Variants in TRIM62 observed in about 807,000 individuals in gnomAD.
TRIM62 encodes the protein tripartite motif containing 62.
In TRIM62, 39 loss-of-function variants were observed where a neutral mutation model predicts 44.2. The observed-to-expected ratio is 0.88, with a 90% CI of 0.68 to 1.15. TRIM62 has a LOEUF of 1.15. Among genes scored for constraint, TRIM62 ranks in the 50% most tolerant of loss-of-function variants. The pLI is 0.00. For synonymous variants in TRIM62, 278 were observed against 292.3 expected (o/e 0.95, Z 0.50); for missense variants, 544 against 665.5 (o/e 0.82, Z 2.01).
intron 1 of TRIM62, among the ~76,000 whole-genome samples, chr1:33,168,465 G>A (rs1645347858): frequency 2.6e-5 from 4 of 152,146 alleles, no homozygotes; most frequent in Admixed American, 2.0e-4. Context: ...AGCCATCAGT[G>A]TGAAGTAGTA....
Position 33,145,956 on chromosome 1 carries a change from G to A in TRIM62, c.*1221C>T, listed in dbSNP as rs1181807111. 6.4e-6 allele frequency: 3 copies of A among 470,318 alleles called. No individual in the cohort carries two copies. The highest frequency in any genetic ancestry group is 4.0e-5 in the African/African-American group (2 of 50,064). 29.1% of individuals were successfully genotyped at this position (470,318 alleles called of 1,614,324 possible). On this transcript the variant is annotated 3_prime_UTR_variant, in exon 5 of 5. Transcript: ENST00000291416. ...ATCTCTTGTAAAAATTTAGATTTGGGAACTGAGTGAAGTGGGAGAGGGGCA... is the reference window on the plus strand; with the variant it reads ...ATCTCTTGTAAAAATTTAGATTTGGAAACTGAGTGAAGTGGGAGAGGGGCA...
At chr1:33,171,173 T>C (rs1390918059) in intron 1 of TRIM62, among the ~76,000 whole-genome samples, 1 of 152,044 alleles carries the variant, frequency 6.6e-6, no homozygotes, top group East Asian at 1.9e-4. Context: ...AAACTAGAAA[T>C]TTTACTCCAG....
intron 4 of TRIM62, among the ~76,000 whole-genome samples, chr1:33,149,283 G>A (rs1645063502): frequency 6.6e-6 from 1 of 152,182 alleles, no homozygotes; most frequent in Admixed American, 6.5e-5. Context: ...CTCTCGAGTA[G>A]TTGGGATTAT....
chr1:33,158,107 C>T, intron 4 of TRIM62, 146 bp downstream of exon 4: 1 of 648,278 alleles, frequency 1.5e-6, no homozygotes, highest in South Asian at 1.8e-5. Context: ...TGCAGGTGCC[C>T]AGGACAGGTC....
In TRIM62 at chr1:33,181,273, G is replaced by A; in HGVS notation, c.160C>T (p.Arg54Trp). 2 of 1,546,434 alleles carry A rather than the reference G, an allele frequency of 1.3e-6. No homozygotes were observed. Among genetic ancestry groups the A allele is most frequent in the South Asian group, 1.2e-5 (1 of 84,880 alleles). The change falls in exon 1 of 5, where the codon CGG becomes TGG. Residue 54 changes from arginine (R) to tryptophan (W), a missense_variant. By Grantham distance (101) the Arg-to-Trp change is moderately radical (BLOSUM62 -3). Coordinates refer to ENST00000291416, the MANE Select transcript of TRIM62 (RefSeq NM_018207.3). This position sits in a 1 kb window ranked among gnomAD's most constrained non-coding sequence, Gnocchi z 6.5. ...AQGARDCPEC[R>W]RTFAEPALAP... is the part of the protein sequence containing the mutation. ...AGCGCGGGCTCGGCGAACGTGCGCC[G>A]GCACTCGGGGCAGTCGCGGGCGCCC... is the stretch of plus-strand genomic sequence containing the variant.
At chr1:33,176,282 G>T (rs1645418225) in intron 1 of TRIM62, 1 of 512,600 alleles carries the variant, frequency 2.0e-6, no homozygotes, top group Non-Finnish European at 3.6e-6. Context: ...CCATTTCTCA[G>T]ATTGGGTAAG....
At chr1:33,164,996 T>C (rs1645313780) in intron 2 of TRIM62, 1 of 151,432 alleles carries the variant, frequency 6.6e-6, no homozygotes, top group African/African-American at 2.4e-5. Flanking sequence ...CTCGTTATAT[T>C]GGCCAGGCTG....
At chr1:33,172,973 G>A (rs1209255424) in intron 1 of TRIM62, among the ~76,000 whole-genome samples, 2 of 152,160 alleles carry the variant, frequency 1.3e-5, no homozygotes, top group African/African-American at 4.8e-5. Flanking sequence ...CCAGCATGGC[G>A]CTGCACACAA....
In TRIM62 at chr1:33,181,547, G is replaced by C; in HGVS notation, c.-115C>G. On this transcript the variant is annotated 5_prime_UTR_variant, in exon 1 of 5. Coordinates refer to ENST00000291416, the MANE Select transcript of TRIM62 (RefSeq NM_018207.3). The surrounding 1 kb of genome is among the most constrained non-coding windows in gnomAD (Gnocchi z 6.5). Reference sequence around the variant, plus strand: ...CGCGGGGACGAGGCCCGCACAGGCAGGGGTAGGAGCTACCGGAGAAGGGAG... The same window carrying C: ...CGCGGGGACGAGGCCCGCACAGGCACGGGTAGGAGCTACCGGAGAAGGGAG... 7.0e-7 allele frequency: 1 copy of C among 1,426,974 alleles called. No homozygotes were observed. Among genetic ancestry groups the C allele is most frequent in the African/African-American group, 1.5e-5 (1 of 67,282 alleles). The allele number at this position is 1,426,974 out of a possible 1,614,324, so 88.4% of individuals were successfully genotyped here.
chr1:33,147,200 G>A lies in TRIM62; in HGVS notation c.1405C>T (p.Arg469Trp), dbSNP rs1371297522. ...HANGKNVQPL[R>W]INTVRI Reference sequence around the variant, plus strand: ...GACTAGATGCGGACGGTGTTGATCCGCAGCGGCTGAACGTTCTTGCCATTG... The same window carrying A: ...GACTAGATGCGGACGGTGTTGATCCACAGCGGCTGAACGTTCTTGCCATTG... The change falls in exon 5 of 5, where the codon CGG becomes TGG. Residue 469 changes from arginine to tryptophan, a missense_variant. By Grantham distance (101) the Arg-to-Trp change is moderately radical (BLOSUM62 -3). Coordinates refer to ENST00000291416, the MANE Select transcript of TRIM62 (RefSeq NM_018207.3). The surrounding 1 kb of genome is among the most constrained non-coding windows in gnomAD (Gnocchi z 8.1). 6.2e-7 allele frequency: 1 copy of A among 1,613,578 alleles called. No homozygotes were observed. Among genetic ancestry groups the A allele is most frequent in the Non-Finnish European group, 8.5e-7 (1 of 1,180,004 alleles).
chr1:33,181,515 G>A lies in TRIM62; in HGVS notation c.-83C>T. Reference sequence around the variant, plus strand: ...CGGCGCTGTCGGAGGCAGCACCGAGGGCTGGGCGCGGGGACGAGGCCCGCA... The same window carrying A: ...CGGCGCTGTCGGAGGCAGCACCGAGAGCTGGGCGCGGGGACGAGGCCCGCA... On this transcript the variant is annotated 5_prime_UTR_variant, in exon 1 of 5. Coordinates refer to ENST00000291416, the MANE Select transcript of TRIM62 (RefSeq NM_018207.3). This position sits in a 1 kb window ranked among gnomAD's most constrained non-coding sequence, Gnocchi z 6.5. 1 of 1,462,222 alleles carries A rather than the reference G, an allele frequency of 6.8e-7. No homozygotes were observed. The allele number at this position is 1,462,222 out of a possible 1,614,324, so 90.6% of individuals were successfully genotyped here.
chr1:33,149,080 C>A (rs1399230881), intron 4 of TRIM62, among the ~76,000 whole-genome samples: 3 of 152,182 alleles, frequency 2.0e-5, no homozygotes, highest in Admixed American at 6.5e-5. Context: ...AAAGGCCCAC[C>A]CTTTGGGAAG....
At chr1:33,149,792 G>A (rs644284) in intron 4 of TRIM62, among the ~76,000 whole-genome samples, 10 of 152,272 alleles carry the variant, frequency 6.6e-5, no homozygotes, top group South Asian at 2.1e-4. Context: ...TGATACTGGC[G>A]TGGGGTATTA....
In TRIM62 at chr1:33,181,427, C is replaced by G. The variant is rs1232011557; in HGVS notation, c.6G>C (p.Ala2=). The G allele has an allele frequency of 6.3e-7, 1 of 1,593,538 alleles. No individual in the cohort carries two copies. Among genetic ancestry groups the G allele is most frequent in the Non-Finnish European group, 8.5e-7 (1 of 1,174,548 alleles). M[A]CSLKDELLCS... ...ACAGCAGCTCGTCCTTGAGGCTGCA[C>G]GCCATGGCGCCAGGGGCAGCAGAGA... The change falls in exon 1 of 5, where the codon GCG becomes GCC. Residue 2 remains alanine, a synonymous_variant. Coordinates refer to ENST00000291416, the MANE Select transcript of TRIM62 (RefSeq NM_018207.3). This position sits in a 1 kb window ranked among gnomAD's most constrained non-coding sequence, Gnocchi z 6.5.
chr1:33,156,273 G>A (rs1012097698), intron 4 of TRIM62, among the ~76,000 whole-genome samples: 11 of 152,064 alleles, frequency 7.2e-5, no homozygotes, highest in Non-Finnish European at 1.6e-4. Context: ...TCTCTCCTTC[G>A]CTTGAAAACT....
chr1:33,157,357 G>A (rs901743281), intron 4 of TRIM62, among the ~76,000 whole-genome samples: 2 of 152,088 alleles, frequency 1.3e-5, no homozygotes, highest in Non-Finnish European at 2.9e-5. Context: ...CATGCCAGGA[G>A]CACTCTTCCT....
intron 2 of TRIM62, among the ~76,000 whole-genome samples, chr1:33,160,286 A>G (rs1253180989): frequency 6.6e-6 from 1 of 152,082 alleles, no homozygotes; most frequent in Non-Finnish European, 1.5e-5. Flanking sequence ...GGAGCTGGGG[A>G]TAATGCCCAG....
chr1:33,158,343 T>A lies in TRIM62; in HGVS notation c.787A>T (p.Asn263Tyr). ...GTCGGGAAGTCTTCATATGTGAGGT[T>A]GGTCTCATGGATTTTTCCCTTGAGC... ...ERLKGKIHET[N>Y]LTYEDFPTSK... The change falls in exon 4 of 5, where the codon AAC becomes TAC. Residue 263 changes from asparagine to tyrosine, a missense_variant. By Grantham distance (143) the Asn-to-Tyr change is moderately radical. Coordinates refer to ENST00000291416, the MANE Select transcript of TRIM62 (RefSeq NM_018207.3). 1.2e-6 allele frequency: 2 copies of A among 1,613,896 alleles called. No homozygotes were observed. Among genetic ancestry groups the A allele is most frequent in the South Asian group, 2.2e-5 (2 of 91,084 alleles).
At chr1:33,168,644 T>G (rs1645349375) in intron 1 of TRIM62, among the ~76,000 whole-genome samples, 1 of 152,238 alleles carries the variant, frequency 6.6e-6, no homozygotes, top group Non-Finnish European at 1.5e-5. Flanking sequence ...TACTAACAGC[T>G]GAAAGTCATT....
Sources: allele counts gnomAD v4.1 joint callset (sites outside exome capture counted in the v4.1 genomes callset), GRCh38; gene constraint gnomAD v4.1.1; non-coding constraint Gnocchi (gnomAD v3.1); transcripts MANE v1.5; gene names NCBI Gene and HGNC (gene_info 2026-07-23, HGNC 2026-07-21).